NCAM1: variants seen among roughly 807,000 people sequenced by gnomAD.
NCAM1 encodes the protein neural cell adhesion molecule 1.
NCAM1 carries 14 observed loss-of-function variants against 109.8 expected under a neutral mutation model. The ratio of observed to expected loss-of-function variants is 0.13; its 90% CI spans 0.08 to 0.20. NCAM1 has a LOEUF of 0.20. Ranked by LOEUF, NCAM1 falls within the 10% of genes least tolerant of loss-of-function variation. The probability of loss-of-function intolerance (pLI) is 1.00; values close to 1 mark genes in which losing one functional copy is unlikely to be tolerated. For synonymous variants in NCAM1, 418 were observed against 442.9 expected (o/e 0.94, Z 0.70); for missense variants, 774 against 1,109.9 (o/e 0.70, Z 4.30).
chr11:113,032,895 G>A lies in NCAM1; in HGVS notation c.52+71231G>A, dbSNP rs534396883. Among the ~76,000 whole-genome samples, 5 of 152,318 alleles carry A rather than the reference G, an allele frequency of 3.3e-5. No homozygotes were observed. In the South Asian group the frequency reaches 1.0e-3, roughly 32 times the overall value. On this transcript the variant is annotated intron_variant, in intron 1 of 19. Transcript: ENST00000316851. ...ATTGAAAGAGTTTTCTAAATGAAAT[G>A]ACTTGATTTAAAATTAAAATAGATG...
intron 9 of NCAM1, among the ~76,000 whole-genome samples, chr11:113,226,637 G>A (rs1308770644): frequency 2.6e-5 from 4 of 152,174 alleles, no homozygotes; most frequent in African/African-American, 9.7e-5. Context: ...ATTCTTCTCA[G>A]CACCACACCG....
intron 1 of NCAM1, among the ~76,000 whole-genome samples, chr11:113,134,318 TTTC>T (rs1410861990): frequency 6.6e-6 from 1 of 152,164 alleles, no homozygotes; most frequent in Non-Finnish European, 1.5e-5. Flanking sequence ...CCGGATTTTT[TTTC>T]GTTTTTTAAG....
chr11:113,263,759 G>A (rs1162073970), intron 17 of NCAM1: 1 of 985,404 alleles, frequency 1.0e-6, no homozygotes, highest in Non-Finnish European at 1.2e-6. Context: ...GAATGGCTTT[G>A]AGCATCAGTC....
intron 1 of NCAM1, among the ~76,000 whole-genome samples, chr11:113,049,834 C>T (rs1555081505): frequency 6.6e-6 from 1 of 152,152 alleles, no homozygotes; most frequent in South Asian, 2.1e-4. Context: ...GTCCTATTGA[C>T]AAAGCGTGCT....
chr11:113,193,114 T>C (rs952492282), intron 1 of NCAM1, among the ~76,000 whole-genome samples: 2 of 152,196 alleles, frequency 1.3e-5, no homozygotes, highest in African/African-American at 2.4e-5. Flanking sequence ...TCTATGGAGA[T>C]ACTTCTGATT....
chr11:112,968,320 A>G (rs1380444607), intron 1 of NCAM1, among the ~76,000 whole-genome samples: 5 of 152,236 alleles, frequency 3.3e-5, no homozygotes, highest in Admixed American at 6.5e-5. Flanking sequence ...AATTGCTATT[A>G]TTATTCAAAT....
intron 1 of NCAM1, among the ~76,000 whole-genome samples, chr11:113,026,117 T>C (rs1952538417): frequency 6.6e-6 from 1 of 152,162 alleles, no homozygotes; most frequent in Non-Finnish European, 1.5e-5. Flanking sequence ...TTAAGGGAAA[T>C]ATTTCAAAGG....
At chr11:113,117,194 C>CA (rs1940750694) in intron 1 of NCAM1, among the ~76,000 whole-genome samples, 1 of 151,958 alleles carries the variant, frequency 6.6e-6, no homozygotes, top group Non-Finnish European at 1.5e-5. Context: ...TAGTGGCCAG[C>CA]AAAAACTGTT....
chr11:113,018,139 T>C (rs576446585), intron 1 of NCAM1, among the ~76,000 whole-genome samples: 1 of 151,694 alleles, frequency 6.6e-6, no homozygotes, highest in Non-Finnish European at 1.5e-5. Flanking sequence ...TGGAATGCCA[T>C]GGCATATTCT....
intron 1 of NCAM1, among the ~76,000 whole-genome samples, chr11:112,997,466 T>C (rs1222064540): frequency 6.6e-6 from 1 of 152,230 alleles, no homozygotes; most frequent in African/African-American, 2.4e-5. Flanking sequence ...TTTTGCCTTC[T>C]TTGGTAAAAC....
At chr11:113,214,572 G>A in intron 8 of NCAM1, 61 bp downstream of exon 8, 1 of 1,524,318 alleles carries the variant, frequency 6.6e-7, no homozygotes, top group Non-Finnish European at 8.9e-7. Flanking sequence ...GATTGAGTCT[G>A]CTCATGCCCA....
At chr11:113,058,283 C>CA in intron 1 of NCAM1, among the ~76,000 whole-genome samples, 2 of 151,092 alleles carry the variant, frequency 1.3e-5, no homozygotes, top group East Asian at 3.9e-4. Flanking sequence ...GACTCCATCT[C>CA]AAAAAAAGAA....
At chr11:113,046,572 A>G (rs868910691) in intron 1 of NCAM1, among the ~76,000 whole-genome samples, 1 of 152,232 alleles carries the variant, frequency 6.6e-6, no homozygotes, top group African/African-American at 2.4e-5. Flanking sequence ...TATCCTGTCC[A>G]CAACCATAAA....
chr11:113,271,124 C>G (rs1417073420), intron 18 of NCAM1, among the ~76,000 whole-genome samples: 1 of 151,992 alleles, frequency 6.6e-6, no homozygotes, highest in Non-Finnish European at 1.5e-5. Flanking sequence ...AATCCCAGCA[C>G]TTTGGGAGGC....
At position 113,276,707 on chromosome 11, in the gene NCAM1, G is replaced by T. The variant is rs1329873296; in HGVS notation, c.*1320G>T. The T allele has an allele frequency of 6.6e-6, 1 of 152,282 alleles. No individual in the cohort carries two copies. The highest frequency in any genetic ancestry group is 1.5e-5 in the Non-Finnish European group (1 of 68,008). 9.4% of individuals were successfully genotyped at this position (152,282 alleles called of 1,614,324 possible). On this transcript the variant is annotated 3_prime_UTR_variant, in exon 20 of 20. Coordinates refer to ENST00000316851, the MANE Select transcript of NCAM1 (RefSeq NM_181351.5). ...TGAAGTAAAGTAACATCGGCCTTCT[G>T]TTCACTTAGGCAGCATTTATAGAAA...
At chr11:113,018,081 C>G (rs532430002) in intron 1 of NCAM1, among the ~76,000 whole-genome samples, 1 of 152,252 alleles carries the variant, frequency 6.6e-6, no homozygotes, top group Non-Finnish European at 1.5e-5. Context: ...AGGTTTAGAT[C>G]TTACTTCTCT....
At chr11:113,056,703 G>A (rs1023650668) in intron 1 of NCAM1, among the ~76,000 whole-genome samples, 3 of 152,136 alleles carry the variant, frequency 2.0e-5, no homozygotes, top group Non-Finnish European at 4.4e-5. Context: ...CCCTTCCCTA[G>A]ATGAGCCTCA....
chr11:113,125,783 T>C (rs1941149483), intron 1 of NCAM1, among the ~76,000 whole-genome samples: 1 of 152,202 alleles, frequency 6.6e-6, no homozygotes, highest in Non-Finnish European at 1.5e-5. Flanking sequence ...AGCTGGCTTT[T>C]GTCCCACATT....
At chr11:113,169,192 AACCTGGG>A (rs1230657143) in intron 1 of NCAM1, among the ~76,000 whole-genome samples, 19 of 152,104 alleles carry the variant, frequency 1.2e-4, no homozygotes, top group African/African-American at 4.1e-4. Flanking sequence ...CAAAAACAGA[AACCTGGG>A]ACAATTGTTT....
Sources: allele counts gnomAD v4.1 joint callset (sites outside exome capture counted in the v4.1 genomes callset), GRCh38; gene constraint gnomAD v4.1.1; transcripts MANE v1.5; gene names NCBI Gene and HGNC (gene_info 2026-07-23, HGNC 2026-07-21).